Variants in CELF4 observed in about 807,000 individuals in gnomAD.
CELF4 encodes the protein CUG-BP- and ETR-3-like factor 4.
In CELF4, 18 loss-of-function variants were observed where a neutral mutation model predicts 59.9. The observed-to-expected ratio is 0.30, with a 90% CI of 0.21 to 0.45. The LOEUF (loss-of-function observed/expected upper bound fraction) is 0.45. Among genes scored for constraint, CELF4 ranks in the 20% least tolerant of loss-of-function variants. The probability of loss-of-function intolerance (pLI) is 1.00; values close to 1 mark genes in which losing one functional copy is unlikely to be tolerated. For missense variants in CELF4, 456 were observed against 689.0 expected (o/e 0.66, Z 3.79); for synonymous variants, 261 against 267.1 (o/e 0.98, Z 0.22).
intron 1 of CELF4, among the ~76,000 whole-genome samples, chr18:37,552,395 C>T (rs1240019108): frequency 6.6e-6 from 1 of 152,340 alleles, no homozygotes; most frequent in East Asian, 1.9e-4. Context: ...TACCCACTCC[C>T]TGCTCTGCAG....
At chr18:37,318,794 G>C (rs1018250724) in intron 3 of CELF4, among the ~76,000 whole-genome samples, 1 of 152,166 alleles carries the variant, frequency 6.6e-6, no homozygotes, top group Non-Finnish European at 1.5e-5. Flanking sequence ...AGAAAGGTTT[G>C]AGTTAGAGCC....
chr18:37,550,847 C>T (rs1004062239), intron 1 of CELF4, among the ~76,000 whole-genome samples: 1 of 152,226 alleles, frequency 6.6e-6, no homozygotes, highest in Non-Finnish European at 1.5e-5. Context: ...GGGTTAAGGA[C>T]TGGGCTCTAA....
rs567007300 is a variant in CELF4 at position 37,274,591 on chromosome 18, A to G, written c.658-137T>C. The G allele has an allele frequency of 2.2e-4, 349 of 1,567,886 alleles. 7 individuals are homozygous for G. In the South Asian group the frequency reaches 3.8e-3, roughly 17 times the overall value. On this transcript the variant is annotated intron_variant, in intron 5 of 12. Transcript: ENST00000420428. ...GCGGCATCGGCGCTCGCCCAGGGGA[A>G]TGAGGTGTGAACCCCACCGCGGGCA...
chr18:37,351,867 C>G (rs1177779394), intron 2 of CELF4, among the ~76,000 whole-genome samples: 2 of 152,118 alleles, frequency 1.3e-5, no homozygotes, highest in African/African-American at 4.8e-5. Flanking sequence ...CTGCCCACCA[C>G]AGTCTCCCAA....
chr18:37,318,353 C>T (rs1267285922), intron 3 of CELF4, among the ~76,000 whole-genome samples: 1 of 151,978 alleles, frequency 6.6e-6, no homozygotes, highest in African/African-American at 2.4e-5. Context: ...TCTCCTCCTG[C>T]CCGCTGCCGT....
intron 2 of CELF4, among the ~76,000 whole-genome samples, chr18:37,353,077 C>T (rs528005451): frequency 7.9e-5 from 12 of 151,786 alleles, no homozygotes; most frequent in African/African-American, 2.2e-4. Flanking sequence ...AAAAATTAGC[C>T]GGGTGTGATG....
At chr18:37,485,159 C>A (rs1479107602) in intron 2 of CELF4, among the ~76,000 whole-genome samples, 1 of 152,080 alleles carries the variant, frequency 6.6e-6, no homozygotes, top group African/African-American at 2.4e-5. Context: ...CCCTCCCACG[C>A]CGGCCCCCTC....
In CELF4 at chr18:37,505,413, C is replaced by T. The variant is rs575076748; in HGVS notation, c.287-19806G>A. ...CAGCAGAGCTAAGCTGAAAGGGTCA[C>T]ATCCACCATGGGGTCTGCCTAGAGG... On this transcript the variant is annotated intron_variant, in intron 1 of 12. Transcript: ENST00000420428. 3.3e-5 allele frequency among the ~76,000 whole-genome samples: 5 copies of T among 152,334 alleles called. No individual in the cohort carries two copies. In the East Asian group the frequency reaches 7.7e-4, roughly 23 times the overall value.
chr18:37,500,507 G>C (rs555036299), intron 1 of CELF4, among the ~76,000 whole-genome samples: 3 of 146,644 alleles, frequency 2.0e-5, no homozygotes, highest in Admixed American at 7.1e-5. Context: ...TTGCCTTCTA[G>C]CTCATTTTCT....
chr18:37,490,408 A>G (rs1187002649), intron 1 of CELF4, among the ~76,000 whole-genome samples: 2 of 152,240 alleles, frequency 1.3e-5, no homozygotes, highest in African/African-American at 4.8e-5. Context: ...CTAAAAGAGT[A>G]GGATGAAATG....
intron 1 of CELF4, among the ~76,000 whole-genome samples, chr18:37,487,588 C>T (rs1216001764): frequency 1.3e-5 from 2 of 152,162 alleles, no homozygotes; most frequent in Non-Finnish European, 2.9e-5. Flanking sequence ...CCCGTGACGT[C>T]GTCCCTCGTG....
chr18:37,523,191 G>A (rs1380196380), intron 1 of CELF4, among the ~76,000 whole-genome samples: 1 of 152,116 alleles, frequency 6.6e-6, no homozygotes, highest in Non-Finnish European at 1.5e-5. Context: ...TATCTGATGA[G>A]GAACAGACAG....
At chr18:37,426,289 T>G (rs895825919) in intron 2 of CELF4, among the ~76,000 whole-genome samples, 4 of 152,176 alleles carry the variant, frequency 2.6e-5, no homozygotes, top group African/African-American at 9.7e-5. Flanking sequence ...AAGTCATGTC[T>G]CCTCTATCAG....
At position 37,446,444 on chromosome 18, in the gene CELF4, T is replaced by C. The variant is rs143686451; in HGVS notation, c.369+39081A>G. Reference sequence around the variant, plus strand: ...AGGGCAGGAAAGGCTTGGACTGTAGTTTCCACAGGTTCATATTTGAGTCCT... The same window carrying C: ...AGGGCAGGAAAGGCTTGGACTGTAGCTTCCACAGGTTCATATTTGAGTCCT... On this transcript the variant is annotated intron_variant, in intron 2 of 12. Coordinates refer to ENST00000420428, the MANE Select transcript of CELF4 (RefSeq NM_020180.4). 1.1e-3 allele frequency among the ~76,000 whole-genome samples: 161 copies of C among 152,156 alleles called. 4 individuals carry two copies. The East Asian group carries it at 0.03, about 29-fold the overall frequency.
At chr18:37,426,978 A>AAG (rs2099617468) in intron 2 of CELF4, among the ~76,000 whole-genome samples, 1 of 150,114 alleles carries the variant, frequency 6.7e-6, no homozygotes, top group African/African-American at 2.4e-5. Context: ...AAAAAAAAAA[A>AAG]AAAGATGGTC....
chr18:37,345,076 G>A (rs560572071), intron 2 of CELF4, among the ~76,000 whole-genome samples: 3 of 152,244 alleles, frequency 2.0e-5, no homozygotes, highest in East Asian at 1.9e-4. Context: ...CTGTGGAGGC[G>A]GACAGAAAAG....
chr18:37,377,411 C>T (rs191580981), intron 2 of CELF4, among the ~76,000 whole-genome samples: 1 of 152,178 alleles, frequency 6.6e-6, no homozygotes, highest in Non-Finnish European at 1.5e-5. Flanking sequence ...AAGAAAATCC[C>T]CCTTCCCAGA....
chr18:37,491,766 C>T (rs1267381089), intron 1 of CELF4, among the ~76,000 whole-genome samples: 3 of 152,108 alleles, frequency 2.0e-5, no homozygotes, highest in African/African-American at 4.8e-5. Context: ...TGCCCCTCTC[C>T]GACATGGGCA....
chr18:37,328,129 A>C (rs1185630166), intron 2 of CELF4, among the ~76,000 whole-genome samples: 1 of 152,238 alleles, frequency 6.6e-6, no homozygotes, highest in Non-Finnish European at 1.5e-5. Flanking sequence ...ATGGATCCCC[A>C]GAGGCAGCCT....
Sources: allele counts gnomAD v4.1 joint callset (sites outside exome capture counted in the v4.1 genomes callset), GRCh38; gene constraint gnomAD v4.1.1; transcripts MANE v1.5; gene names NCBI Gene and HGNC (gene_info 2026-07-23, HGNC 2026-07-21).